Variants in DNASE1L3 observed in about 807,000 individuals in gnomAD.
DNASE1L3 encodes deoxyribonuclease gamma.
DNASE1L3 carries 27 observed loss-of-function variants against 30.9 expected under a neutral mutation model. That is an observed-to-expected ratio of 0.87 (90% CI 0.64 to 1.20). DNASE1L3 has a LOEUF of 1.20. DNASE1L3 is among the 50% of genes most tolerant of loss of function. DNASE1L3 has a pLI of 0.00. For synonymous variants in DNASE1L3, 135 were observed against 138.0 expected, an observed-to-expected ratio of 0.98 and a Z score of 0.15; for missense variants, 364 against 378.2, an observed-to-expected ratio of 0.96 and a Z score of 0.31.
chr3:58,194,463 G>A (rs528804116), intron 6 of DNASE1L3, among the ~76,000 whole-genome samples: 28 of 151,652 alleles, frequency 1.8e-4, no homozygotes, highest in Admixed American at 1.7e-3. Flanking sequence ...GGAATTATAG[G>A]TGTGTGCCAC....
At position 58,197,560 on chromosome 3, in the gene DNASE1L3, C is replaced by G. The variant is rs567487811; in HGVS notation, c.704+261G>C. ...CTCCACCTTCTGGGCTCAAGCGATC[C>G]TCCCACCTCAGCCTCCTGAGTAGCT... On this transcript the variant is annotated intron_variant, in intron 6 of 7. Coordinates refer to ENST00000394549, the MANE Select transcript of DNASE1L3 (RefSeq NM_004944.4). This position sits in a 1 kb window ranked among gnomAD's most constrained non-coding sequence, Gnocchi z 5.3. 6.6e-6 allele frequency among the ~76,000 whole-genome samples: 1 copy of G among 152,330 alleles called. No individual in the cohort carries two copies. Among genetic ancestry groups the G allele is most frequent in the Admixed American group, 6.5e-5 (1 of 15,306 alleles).
intron 2 of DNASE1L3, among the ~76,000 whole-genome samples, chr3:58,207,016 TC>T (rs1299525001): frequency 6.6e-6 from 1 of 152,148 alleles, no homozygotes. Context: ...ATCTACCATC[TC>T]ATCTTGCTCC....
In DNASE1L3 at chr3:58,205,473, G is replaced by T. The variant is rs772902080; in HGVS notation, c.318C>A (p.Tyr106Ter). The change falls in exon 3 of 8, where the codon TAC becomes TAA. Residue 106 changes from tyrosine to a stop codon, truncating the protein, a stop_gained and splice_region_variant. Transcript: ENST00000394549. LOFTEE classifies it high-confidence loss of function. ...NTYKEQYAFL[Y>*]KEKLVSVKRS... is the part of the protein sequence containing the mutation. ...CAGGGAGCATAGGTGATACTTACTT[G>T]TAGAGAAAGGCATATTGTTCTTTAT... The T allele has an allele frequency of 1.2e-6, 2 of 1,612,866 alleles. No individual in the cohort carries two copies. The highest frequency in any genetic ancestry group is 3.3e-5 in the Admixed American group (2 of 60,014).
rs1197060411 is a variant in DNASE1L3 at position 58,200,208 on chromosome 3, G to A, written c.546+789C>T. ...TCCTCCACCTCAAACTGAGTTTGGG[G>A]TGGAGCTGGGGTGGACACAGATTTA... On this transcript the variant is annotated intron_variant, in intron 5 of 7. Coordinates refer to ENST00000394549, the MANE Select transcript of DNASE1L3 (RefSeq NM_004944.4). The surrounding 1 kb of genome is among the most constrained non-coding windows in gnomAD (Gnocchi z 4.2). 1.3e-5 allele frequency among the ~76,000 whole-genome samples: 2 copies of A among 152,280 alleles called. No individual in the cohort carries two copies. Among genetic ancestry groups the A allele is most frequent in the East Asian group, 1.9e-4 (1 of 5,176 alleles).
intron 4 of DNASE1L3, among the ~76,000 whole-genome samples, chr3:58,204,141 A>T (rs1178426771): frequency 7.1e-6 from 1 of 141,340 alleles, no homozygotes; most frequent in Non-Finnish European, 1.5e-5. Context: ...ATTGCTTAGG[A>T]TTTTTTTTTT....
intron 7 of DNASE1L3, chr3:58,193,139 C>A (rs3732629): frequency 7.1e-7 from 1 of 1,417,952 alleles, no homozygotes; most frequent in Non-Finnish European, 9.2e-7. Flanking sequence ...TGCAGTGGTG[C>A]GATCTTGGCT....
In DNASE1L3 at chr3:58,200,883, T is replaced by G; in HGVS notation, c.546+114A>C. The stretch of plus-strand genomic sequence containing the variant: ...AGGCCTTAAAGAATGCTGTAAGTGG[T>G]GGTAGCCTGCACATGCCCTTCCTCC... On this transcript the variant is annotated intron_variant, in intron 5 of 7. Coordinates refer to ENST00000394549, the MANE Select transcript of DNASE1L3 (RefSeq NM_004944.4). The surrounding 1 kb of genome is among the most constrained non-coding windows in gnomAD (Gnocchi z 4.2). 1 of 726,100 alleles carries G rather than the reference T, an allele frequency of 1.4e-6. No individual in the cohort carries two copies. The highest frequency in any genetic ancestry group is 2.2e-5 in the South Asian group (1 of 44,772). 45.0% of individuals were successfully genotyped at this position (726,100 alleles called of 1,614,324 possible).
chr3:58,198,127 G>T, intron 5 of DNASE1L3, 149 bp from the exon 6 acceptor site: 1 of 875,522 alleles, frequency 1.1e-6, no homozygotes, highest in South Asian at 1.8e-5. Context: ...CTCCCGCCCC[G>T]GCCAAATTCC....
chr3:58,204,939 A>C, intron 3 of DNASE1L3, 58 bp from the exon 4 acceptor site: 3 of 1,522,266 alleles, frequency 2.0e-6, no homozygotes, highest in East Asian at 2.3e-5. Context: ...TACTACTTTC[A>C]TGAAGCAGAG....
intron 3 of DNASE1L3, among the ~76,000 whole-genome samples, chr3:58,205,121 G>C (rs995179829): frequency 6.6e-6 from 1 of 152,168 alleles, no homozygotes; most frequent in African/African-American, 2.4e-5. Context: ...TTAATGTTCA[G>C]ACTTAAGAAA....
intron 1 of DNASE1L3, among the ~76,000 whole-genome samples, chr3:58,209,888 A>G (rs1256167294): frequency 6.6e-6 from 1 of 152,218 alleles, no homozygotes; most frequent in African/African-American, 2.4e-5. Context: ...ACCTTTCCAG[A>G]GTCCTGGGAA....
intron 6 of DNASE1L3, among the ~76,000 whole-genome samples, chr3:58,196,762 C>T (rs1235900057): frequency 1.3e-5 from 2 of 152,132 alleles, no homozygotes; most frequent in African/African-American, 4.8e-5. Context: ...AGGCACTCCC[C>T]CCTCTGTCCC....
chr3:58,206,911 A>T (rs929402087), intron 2 of DNASE1L3, among the ~76,000 whole-genome samples: 6 of 152,202 alleles, frequency 3.9e-5, no homozygotes, highest in African/African-American at 1.4e-4. Flanking sequence ...GCCCTTAGGC[A>T]GACTGACATG....
chr3:58,210,802 C>A lies in DNASE1L3; in HGVS notation c.105G>T (p.Lys35Asn), dbSNP rs1446765460. The A allele has an allele frequency of 3.7e-6, 6 of 1,614,058 alleles. No homozygotes were observed. Among genetic ancestry groups the A allele is most frequent in the Non-Finnish European group, 5.1e-6 (6 of 1,180,018 alleles). The change falls in exon 1 of 8, where the codon AAG becomes AAT. Residue 35 changes from lysine to asparagine, a missense_variant. Transcript: ENST00000394549. ...CATCCATGGCATTCTTGTCTTCCTG[C>A]TTGCTTTCCCCAAAGGACCTGACGT... ...SFNVRSFGES[K>N]QEDKNAMDVI... is the part of the protein sequence containing the mutation.
At chr3:58,206,342 T>TA (rs2097403873) in intron 2 of DNASE1L3, among the ~76,000 whole-genome samples, 1 of 151,784 alleles carries the variant, frequency 6.6e-6, no homozygotes, top group Non-Finnish European at 1.5e-5. Flanking sequence ...GCAGAAGGGG[T>TA]ATTTAGGGGC....
chr3:58,195,340 C>T (rs926524777), intron 6 of DNASE1L3, among the ~76,000 whole-genome samples: 16 of 152,004 alleles, frequency 1.1e-4, no homozygotes, highest in South Asian at 4.2e-4. Context: ...GCTGGAGTGC[C>T]GTGGCTATTC....
chr3:58,196,263 G>A (rs1351544976), intron 6 of DNASE1L3, among the ~76,000 whole-genome samples: 1 of 152,002 alleles, frequency 6.6e-6, no homozygotes, highest in Non-Finnish European at 1.5e-5. Flanking sequence ...AAGAGGAACA[G>A]GCCGGGCATG....
In DNASE1L3 at chr3:58,204,818, A is replaced by T. The variant is rs374838291; in HGVS notation, c.384T>A (p.Asp128Glu). The T allele has an allele frequency of 8.1e-6, 13 of 1,614,144 alleles. No homozygotes were observed. The highest frequency in any genetic ancestry group is 1.1e-5 in the Non-Finnish European group (13 of 1,180,004). ...HYHDYQDGDADVFSREPFVVW... is the reference protein window; with the variant it reads ...HYHDYQDGDAEVFSREPFVVW... The stretch of plus-strand genomic sequence containing the variant: ...CCACAAAGGGCTCCCTGGAAAACAC[A>T]TCTGCGTCTCCATCCTGATAGTCAT... Residue 128 changes from aspartate to glutamate, a missense_variant, in exon 4 of 8, where the codon GAT (aspartate) becomes GAA (glutamate). Physicochemically the swap from Asp to Glu is conservative, Grantham distance 45. Coordinates refer to ENST00000394549, the MANE Select transcript of DNASE1L3 (RefSeq NM_004944.4).
In DNASE1L3 at chr3:58,205,543, A is replaced by T. The variant is rs747642606; in HGVS notation, c.248T>A (p.Ile83Lys). Residue 83 changes from isoleucine (I) to lysine (K), a missense_variant, in exon 3 of 8, where the codon ATA becomes AAA. Coordinates refer to ENST00000394549, the MANE Select transcript of DNASE1L3 (RefSeq NM_004944.4). ...AGAGCTAATCACATAGTTGTACGTT[A>T]TGCCTCTCCTTGAATTTCTAGAAAA... ...EKLNRNSRRG[I>K]TYNYVISSRL... 1 of 1,613,854 alleles carries T rather than the reference A, an allele frequency of 6.2e-7. No individual in the cohort carries two copies. The highest frequency in any genetic ancestry group is 8.5e-7 in the Non-Finnish European group (1 of 1,179,716).
Sources: gnomAD v4.1 joint callset for allele counts (sites outside exome capture counted in the v4.1 genomes callset) on GRCh38, gnomAD v4.1.1 for gene constraint, Gnocchi (gnomAD v3.1) non-coding constraint, MANE v1.5 for transcripts, NCBI Gene and HGNC (gene_info 2026-07-23, HGNC 2026-07-21) for gene names.